ZNF236: variants seen among roughly 807,000 people sequenced by gnomAD.
The protein encoded by ZNF236 is zinc finger protein 236, also known as regulated by glucose.
Under a neutral mutation model 191.2 loss-of-function variants are expected in ZNF236, and 50 were observed. That is an observed-to-expected ratio of 0.26 (90% CI 0.21 to 0.33). The LOEUF is 0.33. ZNF236 is among the 10% of genes least tolerant of loss of function. The pLI is 1.00. For missense variants in ZNF236, 1,754 were observed against 2,374.5 expected, an observed-to-expected ratio of 0.74 and a Z score of 5.43; for synonymous variants, 907 against 928.8, an observed-to-expected ratio of 0.98 and a Z score of 0.43.
rs1456485899 is a variant in ZNF236 at position 76,960,236 on chromosome 18, C to G, written c.5242+420C>G. On this transcript the variant is annotated intron_variant, in intron 29 of 30. Coordinates refer to ENST00000320610, the MANE Select transcript of ZNF236 (RefSeq NM_001306089.2). This position sits in a 1 kb window ranked among gnomAD's most constrained non-coding sequence, Gnocchi z 4.4. Reference sequence around the variant, plus strand: ...CTGGCTTTTCCTACACCACCTAAATCTGCTCAAACCTTTTGTCTTAGAGAA... The same window carrying G: ...CTGGCTTTTCCTACACCACCTAAATGTGCTCAAACCTTTTGTCTTAGAGAA... 6.6e-6 allele frequency among the ~76,000 whole-genome samples: 1 copy of G among 152,182 alleles called. No individual in the cohort carries two copies. Among genetic ancestry groups the G allele is most frequent in the African/African-American group, 2.4e-5 (1 of 41,442 alleles).
intron 28 of ZNF236, among the ~76,000 whole-genome samples, chr18:76,957,836 A>G (rs1968557490): frequency 6.6e-6 from 1 of 152,254 alleles, no homozygotes; most frequent in African/African-American, 2.4e-5. Context: ...ACCCTGGAAG[A>G]CAACCTAGAC....
At position 76,969,014 on chromosome 18, in the gene ZNF236, G is replaced by C; in HGVS notation, c.*675G>C. 1.0e-6 allele frequency: 1 copy of C among 983,274 alleles called. No homozygotes were observed. The highest frequency in any genetic ancestry group is 1.1e-4 in the East Asian group (1 of 8,804). 60.9% of individuals were successfully genotyped at this position (983,274 alleles called of 1,614,324 possible). On this transcript the variant is annotated 3_prime_UTR_variant, in exon 31 of 31. Coordinates refer to ENST00000320610, the MANE Select transcript of ZNF236 (RefSeq NM_001306089.2). ...TCGAGTAAACCTGACCCACCAATAA[G>C]GATTCAGCTGTCCACACGGGCTGGC... is the stretch of plus-strand genomic sequence containing the variant.
intron 21 of ZNF236, among the ~76,000 whole-genome samples, chr18:76,923,858 T>C (rs560236163): frequency 2.0e-5 from 3 of 152,348 alleles, no homozygotes; most frequent in African/African-American, 7.2e-5. Flanking sequence ...GACATTTAAA[T>C]AGCTTGGAAA....
Position 76,824,036 on chromosome 18 carries a change from G to T in ZNF236, c.55+1374G>T, listed in dbSNP as rs9965855. 1,556 of 377,242 alleles carry T rather than the reference G, an allele frequency of 4.1e-3. 18 individuals carry two copies. Among genetic ancestry groups the T allele is most frequent in the African/African-American group, 0.029 (1,421 of 49,478 alleles). The allele number at this position is 377,242 out of a possible 1,614,324, so 23.4% of individuals were successfully genotyped here. On this transcript the variant is annotated intron_variant, in intron 1 of 30. Transcript: ENST00000320610. ...GTCGGTGGGTTATACCTTGACTGCC[G>T]TTGATTTTTATTTAACTGTTTAGCT...
intron 13 of ZNF236, among the ~76,000 whole-genome samples, chr18:76,906,731 G>C (rs773347881): frequency 2.6e-5 from 4 of 152,138 alleles, no homozygotes; most frequent in Non-Finnish European, 4.4e-5. Context: ...CATCAGTTTC[G>C]AGGGACACAT....
At chr18:76,935,578 G>A (rs568139006) in intron 25 of ZNF236, among the ~76,000 whole-genome samples, 56 of 152,298 alleles carry the variant, frequency 3.7e-4, no homozygotes, top group Non-Finnish European at 7.9e-4. Flanking sequence ...CGCTGGCTTC[G>A]CCTTGGCTCT....
chr18:76,963,790 A>T (rs747049350), intron 30 of ZNF236, among the ~76,000 whole-genome samples: 1 of 152,062 alleles, frequency 6.6e-6, no homozygotes, highest in Middle Eastern at 3.2e-3. Context: ...ATTCTTCCTG[A>T]TTTAAGCTAG....
At chr18:76,959,879 A>G in intron 29 of ZNF236, 63 bp downstream of exon 29, 1 of 1,557,974 alleles carries the variant, frequency 6.4e-7, no homozygotes, top group East Asian at 2.3e-5. Context: ...GGGTGAGAAA[A>G]CATAATTCCA....
intron 3 of ZNF236, among the ~76,000 whole-genome samples, chr18:76,854,886 C>T (rs1366802733): frequency 1.3e-5 from 2 of 152,074 alleles, no homozygotes; most frequent in Non-Finnish European, 1.5e-5. Flanking sequence ...TGTCACTTAT[C>T]AATAGTGCTA....
chr18:76,955,288 T>C (rs1272211641), intron 27 of ZNF236, among the ~76,000 whole-genome samples: 1 of 152,066 alleles, frequency 6.6e-6, no homozygotes, highest in Non-Finnish European at 1.5e-5. Flanking sequence ...AGGTGGTGCG[T>C]ACCTGTGGAC....
In ZNF236 at chr18:76,880,279, T is replaced by C; in HGVS notation, c.1151T>C (p.Leu384Pro). 7 of 1,613,962 alleles carry C rather than the reference T, an allele frequency of 4.3e-6. No homozygotes were observed. Among genetic ancestry groups the C allele is most frequent in the Non-Finnish European group, 5.1e-6 (6 of 1,179,918 alleles). Residue 384 changes from leucine (L) to proline (P), a missense_variant, in exon 8 of 31, where the codon CTG becomes CCG. This residue lies in a region of ZNF236 where 336 missense variants were observed against 495.1 expected (regional missense o/e 0.68). Coordinates refer to ENST00000320610, the MANE Select transcript of ZNF236 (RefSeq NM_001306089.2). The surrounding 1 kb of genome is among the most constrained non-coding windows in gnomAD (Gnocchi z 5.0). Reference protein sequence around the residue: ...SGQSPQPGQQLSITVGINQDI... With the variant: ...SGQSPQPGQQPSITVGINQDI... ...CAGTCCCCGCAGCCTGGGCAGCAGCTGAGCATCACAGTGGGCATCAACCAG... is the reference window on the plus strand; with the variant it reads ...CAGTCCCCGCAGCCTGGGCAGCAGCCGAGCATCACAGTGGGCATCAACCAG...
intron 1 of ZNF236, among the ~76,000 whole-genome samples, chr18:76,825,049 C>T (rs553226898): frequency 4.6e-5 from 7 of 152,336 alleles, no homozygotes; most frequent in South Asian, 2.1e-4. Context: ...TCCTGTTGAT[C>T]GGGCCTTGTC....
intron 1 of ZNF236, 113 bp downstream of exon 1, chr18:76,822,775 G>C (rs930719331): frequency 7.6e-5 from 11 of 145,210 alleles, no homozygotes; most frequent in Non-Finnish European, 1.2e-4. Flanking sequence ...GCGGGGGCGG[G>C]GGCCGCGCAG....
intron 7 of ZNF236, among the ~76,000 whole-genome samples, chr18:76,878,448 A>G (rs1327594140): frequency 2.0e-5 from 3 of 152,204 alleles, no homozygotes; most frequent in Admixed American, 2.0e-4. Flanking sequence ...TTTAAATTAT[A>G]ATTTAAGAAT....
intron 21 of ZNF236, among the ~76,000 whole-genome samples, chr18:76,924,321 C>T (rs1346798824): frequency 1.3e-5 from 2 of 152,314 alleles, no homozygotes; most frequent in African/African-American, 4.8e-5. Flanking sequence ...TTCATCATTT[C>T]CTTGGTTTTG....
intron 9 of ZNF236, among the ~76,000 whole-genome samples, chr18:76,883,803 A>G (rs957309543): frequency 6.6e-5 from 10 of 152,192 alleles, no homozygotes; most frequent in African/African-American, 2.4e-4. Context: ...TAACATAGTG[A>G]TTATATCTGA....
chr18:76,968,207 C>A lies in ZNF236; in HGVS notation c.5420-8C>A, dbSNP rs1041035571. 1 of 1,613,798 alleles carries A rather than the reference C, an allele frequency of 6.2e-7. No homozygotes were observed. Among genetic ancestry groups the A allele is most frequent in the Non-Finnish European group, 8.5e-7 (1 of 1,179,860 alleles). ...AGGCTGCTTGTGTTTTCTTTGTCTG[C>A]ATAACAGGAGCTCTGCAGGAGTCTG... On this transcript the variant is annotated splice_region_variant and splice_polypyrimidine_tract_variant and intron_variant, in intron 30 of 30. Transcript: ENST00000320610.
rs746677934 is a variant in ZNF236, at chr18:76,908,403, C to A, written c.2381C>A (p.Ala794Asp). 6.2e-7 allele frequency: 1 copy of A among 1,614,078 alleles called. No homozygotes were observed. Among genetic ancestry groups the A allele is most frequent in the Non-Finnish European group, 8.5e-7 (1 of 1,180,048 alleles). The change falls in exon 14 of 31, where the codon GCC (alanine) becomes GAC (aspartate). Residue 794 changes from alanine (A) to aspartate (D), a missense_variant. Transcript: ENST00000320610. ...ACTGTAGACCAGCAGAGCATGCAGG[C>A]CTCCACTCAAATGCAGGTGGAGATC... ...DSTVDQQSMQ[A>D]STQMQVEIES...
At chr18:76,892,360 G>A (rs1302993681) in intron 9 of ZNF236, among the ~76,000 whole-genome samples, 1 of 151,330 alleles carries the variant, frequency 6.6e-6, no homozygotes, top group Non-Finnish European at 1.5e-5. Context: ...AGTATCTCTA[G>A]ATCACAATAA....
Sources: allele counts gnomAD v4.1 joint callset (sites outside exome capture counted in the v4.1 genomes callset), GRCh38; gene constraint gnomAD v4.1.1; regional missense constraint gnomAD v4.1.1; non-coding constraint Gnocchi (gnomAD v3.1); transcripts MANE v1.5; gene names NCBI Gene and HGNC (gene_info 2026-07-23, HGNC 2026-07-21).